KPNA1: variants seen among roughly 807,000 people sequenced by gnomAD.
KPNA1 encodes the protein karyopherin subunit alpha 1, also known as importin subunit alpha-5.
KPNA1 carries 10 observed loss-of-function variants against 70.5 expected under a neutral mutation model. The ratio of observed to expected loss-of-function variants is 0.14; its 90% CI spans 0.09 to 0.24. The LOEUF is 0.24. KPNA1 is among the 10% of genes least tolerant of loss of function. KPNA1 has a pLI of 1.00. For synonymous variants in KPNA1, 192 were observed against 221.9 expected (o/e 0.87, Z 1.20); for missense variants, 397 against 637.9 (o/e 0.62, Z 4.07).
chr3:122,504,360 G>C (rs2076865216), intron 1 of KPNA1, among the ~76,000 whole-genome samples: 2 of 152,144 alleles, frequency 1.3e-5, no homozygotes, highest in Admixed American at 6.5e-5. Context: ...GTGATCTCGT[G>C]TAAGGGCACT....
chr3:122,427,433 CCT>C (rs1431855494), intron 13 of KPNA1, 103 bp downstream of exon 13: 33 of 1,156,808 alleles, frequency 2.9e-5, no homozygotes, highest in Non-Finnish European at 4.0e-5. Flanking sequence ...TCCTAACAGT[CCT>C]CTTTTCATCC....
chr3:122,473,309 T>G (rs1468564036), intron 2 of KPNA1, among the ~76,000 whole-genome samples: 1 of 152,166 alleles, frequency 6.6e-6, no homozygotes. Context: ...AGGAAAGAAA[T>G]TATACCCATT....
At chr3:122,438,964 A>G (rs2076026861) in intron 10 of KPNA1, among the ~76,000 whole-genome samples, 1 of 152,204 alleles carries the variant, frequency 6.6e-6, no homozygotes, top group African/African-American at 2.4e-5. Context: ...GCAACAAATG[A>G]GAGGGTTGCT....
At chr3:122,453,743 G>C in intron 6 of KPNA1, 127 bp downstream of exon 6, 2 of 756,986 alleles carry the variant, frequency 2.6e-6, no homozygotes, top group Non-Finnish European at 4.0e-6. Flanking sequence ...CACCATGTTG[G>C]CTAGGCTGGT....
In KPNA1 at chr3:122,424,979, C is replaced by T. The variant is rs1363657508; in HGVS notation, c.*2006G>A. ...AAAATTACAAAGAATCAGTCTTTTA[C>T]AGGTCAAGTGCAGTAAACTAAAATG... On this transcript the variant is annotated 3_prime_UTR_variant, in exon 14 of 14. Coordinates refer to ENST00000344337, the MANE Select transcript of KPNA1 (RefSeq NM_002264.4). 6.6e-6 allele frequency: 1 copy of T among 152,586 alleles called. No individual in the cohort carries two copies. Among genetic ancestry groups the T allele is most frequent in the Non-Finnish European group, 1.5e-5 (1 of 68,034 alleles). 9.5% of individuals were successfully genotyped at this position (152,586 alleles called of 1,614,324 possible). A position where few individuals can be genotyped will look rare whatever the true frequency, so the allele number is the denominator to read the frequency against.
intron 2 of KPNA1, among the ~76,000 whole-genome samples, chr3:122,469,581 A>T (rs900777690): frequency 1.3e-5 from 2 of 151,858 alleles, no homozygotes; most frequent in African/African-American, 4.8e-5. Context: ...AAAAATAAAA[A>T]CTCTCTTCCT....
At chr3:122,507,912 T>C (rs2076909539) in intron 1 of KPNA1, among the ~76,000 whole-genome samples, 1 of 152,126 alleles carries the variant, frequency 6.6e-6, no homozygotes, top group South Asian at 2.1e-4. Context: ...TTAAGAACAC[T>C]TATGAGGGTT....
intron 2 of KPNA1, among the ~76,000 whole-genome samples, chr3:122,492,474 T>TA (rs1207995419): frequency 6.7e-6 from 1 of 148,396 alleles, no homozygotes; most frequent in African/African-American, 2.5e-5. Flanking sequence ...AAAAAGGAAA[T>TA]AAAAGATAAA....
intron 2 of KPNA1, among the ~76,000 whole-genome samples, chr3:122,495,931 A>G (rs1316003772): frequency 6.6e-6 from 1 of 152,202 alleles, no homozygotes; most frequent in Non-Finnish European, 1.5e-5. Flanking sequence ...AAAATGTTAG[A>G]TAACAAAGAA....
chr3:122,491,377 GA>G (rs1039071715), intron 2 of KPNA1, among the ~76,000 whole-genome samples: 2 of 151,934 alleles, frequency 1.3e-5, no homozygotes, highest in Non-Finnish European at 2.9e-5. Context: ...AAAACTGCTA[GA>G]AAAAAAATTA....
intron 5 of KPNA1, chr3:122,459,980 G>C: frequency 1.0e-6 from 1 of 985,428 alleles, no homozygotes; most frequent in Non-Finnish European, 1.2e-6. Flanking sequence ...TGTCTACATG[G>C]CTCCAGCCTT....
chr3:122,463,195 A>G (rs1481310495), intron 4 of KPNA1, among the ~76,000 whole-genome samples: 2 of 152,116 alleles, frequency 1.3e-5, no homozygotes, highest in Non-Finnish European at 2.9e-5. Flanking sequence ...AAAAATACAA[A>G]AAATTAGCTG....
chr3:122,495,827 TA>T (rs796319265), intron 2 of KPNA1, among the ~76,000 whole-genome samples: 124 of 145,534 alleles, frequency 8.5e-4, no homozygotes, highest in Admixed American at 2.1e-3. Flanking sequence ...AAGGAAGGCT[TA>T]AAAAAAAAAA....
intron 4 of KPNA1, among the ~76,000 whole-genome samples, chr3:122,462,716 A>G (rs1052124856): frequency 2.1e-4 from 32 of 152,190 alleles, no homozygotes; most frequent in African/African-American, 6.3e-4. Context: ...GCAAAAGACA[A>G]TATTTTTTTG....
At chr3:122,433,890 T>C (rs2075949034) in intron 11 of KPNA1, 102 bp from the exon 12 acceptor site, 1 of 840,174 alleles carries the variant, frequency 1.2e-6, no homozygotes, top group Non-Finnish European at 1.8e-6. Context: ...TTAACACCCC[T>C]TCTCCTGTCA....
intron 7 of KPNA1, 72 bp from the exon 8 acceptor site, chr3:122,451,705 A>G: frequency 1.0e-6 from 1 of 985,636 alleles, no homozygotes; most frequent in Non-Finnish European, 1.6e-6. Context: ...ATACTAAATA[A>G]TAATACTTTT....
chr3:122,481,475 T>C (rs2076569846), intron 2 of KPNA1, among the ~76,000 whole-genome samples: 1 of 152,110 alleles, frequency 6.6e-6, no homozygotes, highest in Non-Finnish European at 1.5e-5. Flanking sequence ...AATAGGCAAA[T>C]CTATAGAGAC....
rs182164000 is a variant in KPNA1, at chr3:122,451,037, G to A, written c.753+497C>T. ...GTGAGAGATAAAGGACTACACACTG[G>A]GTACAGCGTACACTGCTTGGGTGTT... On this transcript the variant is annotated intron_variant, in intron 8 of 13. Transcript: ENST00000344337. 2.5e-3 allele frequency among the ~76,000 whole-genome samples: 377 copies of A among 152,144 alleles called. 1 individual carries two copies. The highest frequency in any genetic ancestry group is 8.9e-3 in the African/African-American group (369 of 41,492).
intron 5 of KPNA1, among the ~76,000 whole-genome samples, chr3:122,456,428 T>G (rs1174013965): frequency 6.6e-6 from 1 of 152,170 alleles, no homozygotes; most frequent in African/African-American, 2.4e-5. Flanking sequence ...TACAGTGAGA[T>G]TTGGATGCAA....
Sources: gnomAD v4.1 joint callset for allele counts (sites outside exome capture counted in the v4.1 genomes callset) on GRCh38, gnomAD v4.1.1 for gene constraint, MANE v1.5 for transcripts, NCBI Gene and HGNC (gene_info 2026-07-23, HGNC 2026-07-21) for gene names.